The following LGALS8 variants were observed in gnomAD, a reference collection of about 807,000 sequenced individuals.
LGALS8 encodes the protein galectin-8.
LGALS8 carries 30 observed loss-of-function variants against 35.9 expected under a neutral mutation model. That is an observed-to-expected ratio of 0.83 (90% confidence interval 0.62 to 1.13). The LOEUF (loss-of-function observed/expected upper bound fraction) is 1.13. LGALS8 is among the 50% of genes most tolerant of loss of function. The pLI, the probability that LGALS8 is intolerant of heterozygous loss-of-function variation, is 0.00. For missense variants in LGALS8, 366 were observed against 388.7 expected (o/e 0.94, Z 0.49); for synonymous variants, 138 against 136.1 (o/e 1.01, Z -0.10).
chr1:236,520,534 A>C (rs183038780), upstream of LGALS8, among the ~76,000 whole-genome samples: 362 of 152,228 alleles, frequency 2.4e-3, no homozygotes, highest in African/African-American at 8.3e-3. Context: ...CCCATTTCTC[A>C]ACACACTTCA....
At chr1:236,538,781 C>T in intron 3 of LGALS8, 98 bp from the exon 4 acceptor site, 1 of 815,036 alleles carries the variant, frequency 1.2e-6, no homozygotes, top group South Asian at 1.4e-5. Context: ...ATTGGTCAGT[C>T]CCTTGTCACT....
intron 4 of LGALS8, 186 bp downstream of exon 4, chr1:236,539,275 C>T (rs1158583403): frequency 1.0e-5 from 6 of 590,144 alleles, no homozygotes; most frequent in African/African-American, 1.9e-5. Flanking sequence ...CCACTACTCT[C>T]CAGCCAGTTG....
Position 236,551,797 on chromosome 1 carries a change from A to G in LGALS8, c.*3636A>G. ...ACTCTCAAATGATCAGGAGGTGGTC[A>G]CTTCGCAACTTGCTCCCTCCACCCA... On this transcript the variant is annotated 3_prime_UTR_variant, in exon 10 of 10. Coordinates refer to ENST00000366584, the MANE Select transcript of LGALS8 (RefSeq NM_201544.4). 1 of 534,304 alleles carries G rather than the reference A, an allele frequency of 1.9e-6. No individual in the cohort carries two copies. 33.1% of individuals were successfully genotyped at this position (534,304 alleles called of 1,614,324 possible).
chr1:236,518,274 G>A (rs969254108), exon 1 of LGALS8: 1 of 152,134 alleles, frequency 6.6e-6, no homozygotes, highest in African/African-American at 2.4e-5. Flanking sequence ...TGATCCTGTA[G>A]AACTTCGGAG....
In LGALS8 at chr1:236,552,122, A is replaced by T; in HGVS notation, c.*3961A>T. ...GCAAATCGAACCTGAAAGGGATAAAAGAGCAAAGAAATAAAAAGTAGTGTT... is the reference window on the plus strand; with the variant it reads ...GCAAATCGAACCTGAAAGGGATAAATGAGCAAAGAAATAAAAAGTAGTGTT... On this transcript the variant is annotated 3_prime_UTR_variant, in exon 10 of 10. Transcript: ENST00000366584. The T allele has an allele frequency of 6.5e-7, 1 of 1,528,416 alleles. No homozygotes were observed. The allele number at this position is 1,528,416 out of a possible 1,614,324, so 94.7% of individuals were successfully genotyped here.
At position 236,551,706 on chromosome 1, in the gene LGALS8, G is replaced by A. The variant is rs895117263; in HGVS notation, c.*3545G>A. On this transcript the variant is annotated 3_prime_UTR_variant, in exon 10 of 10. Transcript: ENST00000366584. ...TATGAGGTTAATTAAAAACACTACTGTAATCTGCTTGTATGATCACAAACC... is the reference window on the plus strand; with the variant it reads ...TATGAGGTTAATTAAAAACACTACTATAATCTGCTTGTATGATCACAAACC... 1.4e-5 allele frequency: 4 copies of A among 286,476 alleles called. No individual in the cohort carries two copies. Among genetic ancestry groups the A allele is most frequent in the African/African-American group, 2.2e-5 (1 of 45,488 alleles). 17.7% of individuals were successfully genotyped at this position (286,476 alleles called of 1,614,324 possible).
In LGALS8 at chr1:236,548,376, T is replaced by C. The variant is rs1462819790; in HGVS notation, c.*215T>C. ...TGGGGGCAGCAACACTTATAGCCAGTTAAAGCCACTCTGCCCTCTCTCCTA... is the reference window on the plus strand; with the variant it reads ...TGGGGGCAGCAACACTTATAGCCAGCTAAAGCCACTCTGCCCTCTCTCCTA... On this transcript the variant is annotated 3_prime_UTR_variant, in exon 10 of 10. Transcript: ENST00000366584. 2 of 538,896 alleles carry C rather than the reference T, an allele frequency of 3.7e-6. No individual in the cohort carries two copies. The highest frequency in any genetic ancestry group is 6.6e-6 in the Non-Finnish European group (2 of 303,500). The allele number at this position is 538,896 out of a possible 1,614,324, so 33.4% of individuals were successfully genotyped here.
At position 236,551,192 on chromosome 1, in the gene LGALS8, G is replaced by T; in HGVS notation, c.*3031G>T. The T allele has an allele frequency of 1.9e-6, 1 of 535,768 alleles. No individual in the cohort carries two copies. Among genetic ancestry groups the T allele is most frequent in the Non-Finnish European group, 3.3e-6 (1 of 306,120 alleles). 33.2% of individuals were successfully genotyped at this position (535,768 alleles called of 1,614,324 possible). The stretch of plus-strand genomic sequence containing the variant: ...TTCCGCCTTCATTCCTTGCCCACAG[G>T]CTTGCACTGGAAGCTGAATAAGAAT... On this transcript the variant is annotated 3_prime_UTR_variant, in exon 10 of 10. Transcript: ENST00000366584.
chr1:236,522,217 T>A (rs1660572746), upstream of LGALS8, among the ~76,000 whole-genome samples: 1 of 152,212 alleles, frequency 6.6e-6, no homozygotes, highest in South Asian at 2.1e-4. Flanking sequence ...GCCCTTTCAC[T>A]CAGCCCCGTT....
chr1:236,538,099 G>A (rs72755751), intron 3 of LGALS8, among the ~76,000 whole-genome samples: 55,299 of 104,626 alleles, frequency 0.53, 17,267 homozygotes, highest in Non-Finnish European at 0.65. Flanking sequence ...AAAAAAAAAA[G>A]AAAAAGAAAA....
chr1:236,522,484 T>C (rs532595914), upstream of LGALS8, among the ~76,000 whole-genome samples: 298 of 152,290 alleles, frequency 2.0e-3, 4 homozygotes, highest in Admixed American at 8.6e-3. Context: ...TGTGCGTCTA[T>C]AGTCCCAGCT....
chr1:236,549,750 G>A lies in LGALS8; in HGVS notation c.*1589G>A, dbSNP rs892555044. 6.6e-6 allele frequency: 1 copy of A among 152,040 alleles called. No individual in the cohort carries two copies. The highest frequency in any genetic ancestry group is 6.5e-5 in the Admixed American group (1 of 15,274). 9.4% of individuals were successfully genotyped at this position (152,040 alleles called of 1,614,324 possible). A position where few individuals can be genotyped will look rare whatever the true frequency, so the allele number is the denominator to read the frequency against. ...TAACTGAGCTGTTGGAGACTGTGAG[G>A]CATTTAGGAAAAAAATAGCCCACTC... On this transcript the variant is annotated 3_prime_UTR_variant, in exon 10 of 10. Coordinates refer to ENST00000366584, the MANE Select transcript of LGALS8 (RefSeq NM_201544.4).
At chr1:236,541,619 G>A in intron 5 of LGALS8, 35 bp from the exon 6 acceptor site, 1 of 1,099,262 alleles carries the variant, frequency 9.1e-7, no homozygotes, top group South Asian at 1.5e-5. Context: ...TTTTCTACTG[G>A]ATGTTACAAA....
chr1:236,531,440 C>T (rs1026578405), intron 2 of LGALS8, among the ~76,000 whole-genome samples: 1 of 152,180 alleles, frequency 6.6e-6, no homozygotes, highest in African/African-American at 2.4e-5. Flanking sequence ...TCTCCTGCCT[C>T]AGCCTCCGGA....
At chr1:236,542,674 G>A in intron 6 of LGALS8, 87 bp from the exon 7 acceptor site, 5 of 1,429,264 alleles carry the variant, frequency 3.5e-6, no homozygotes, top group African/African-American at 2.8e-5. Context: ...CTCCGGCCAG[G>A]CTCAGCTCAG....
At chr1:236,537,998 A>T (rs1327576882) in intron 3 of LGALS8, among the ~76,000 whole-genome samples, 2 of 148,536 alleles carry the variant, frequency 1.3e-5, no homozygotes, top group East Asian at 4.0e-4. Context: ...GTAGCTACTC[A>T]GGGGGCTGAG....
chr1:236,538,855 G>A (rs1313166836), intron 3 of LGALS8, 24 bp from the exon 4 acceptor site: 3 of 1,582,264 alleles, frequency 1.9e-6, no homozygotes, highest in Admixed American at 3.3e-5. Context: ...CACTCATGGG[G>A]CCCCTGTGTC....
rs867476038 is a variant in LGALS8, at chr1:236,551,723, T to C, written c.*3562T>C. 3.0e-6 allele frequency: 1 copy of C among 337,470 alleles called. No individual in the cohort carries two copies. The highest frequency in any genetic ancestry group is 6.0e-5 in the East Asian group (1 of 16,646). 20.9% of individuals were successfully genotyped at this position (337,470 alleles called of 1,614,324 possible). ...ACACTACTGTAATCTGCTTGTATGA[T>C]CACAAACCACCACAAAAGAAAAGAT... On this transcript the variant is annotated 3_prime_UTR_variant, in exon 10 of 10. Transcript: ENST00000366584.
rs1361273822 is a variant in LGALS8 at position 236,549,230 on chromosome 1, C to T, written c.*1069C>T. On this transcript the variant is annotated 3_prime_UTR_variant, in exon 10 of 10. Transcript: ENST00000366584. ...CAACTGAGATCAAAGCACTCTTCCACTTTACGTGATTAAAATCAAACCTGT... is the reference window on the plus strand; with the variant it reads ...CAACTGAGATCAAAGCACTCTTCCATTTTACGTGATTAAAATCAAACCTGT... The T allele has an allele frequency of 1.6e-5, 6 of 371,108 alleles. No homozygotes were observed. The highest frequency in any genetic ancestry group is 1.4e-5 in the Non-Finnish European group (3 of 209,160). 23.0% of individuals were successfully genotyped at this position (371,108 alleles called of 1,614,324 possible).
Sources: allele counts gnomAD v4.1 joint callset (sites outside exome capture counted in the v4.1 genomes callset), GRCh38; gene constraint gnomAD v4.1.1; transcripts MANE v1.5; gene names NCBI Gene and HGNC (gene_info 2026-07-23, HGNC 2026-07-21).